Variants in RGS17 observed in about 807,000 individuals in gnomAD.
RGS17 encodes the protein regulator of G-protein signaling 17.
Under a neutral mutation model 25.5 loss-of-function variants are expected in RGS17, and 12 were observed. That is an observed-to-expected ratio of 0.47 (90% CI 0.30 to 0.76). The LOEUF is 0.76. Ranked by LOEUF, RGS17 falls within the 30% of genes least tolerant of loss-of-function variation. The pLI is 0.07. For missense variants in RGS17, 196 were observed against 242.2 expected (o/e 0.81, Z 1.27); for synonymous variants, 71 against 76.9 (o/e 0.92, Z 0.40).
chr6:153,098,730 T>C (rs1288558620), intron 1 of RGS17, among the ~76,000 whole-genome samples: 1 of 152,138 alleles, frequency 6.6e-6, no homozygotes, highest in African/African-American at 2.4e-5. Context: ...AAAGTCAAGT[T>C]AAAGTGTGGG....
chr6:153,020,123 T>A (rs1450662036), intron 4 of RGS17, among the ~76,000 whole-genome samples: 1 of 91,390 alleles, frequency 1.1e-5, no homozygotes, highest in African/African-American at 4.4e-5. Context: ...TATATATATA[T>A]ATATATATAT....
chr6:153,013,564 C>T lies in RGS17; in HGVS notation c.445-1802G>A, dbSNP rs1280178551. ...GTTAAACTTAATGAGGAAGGCATGTCGAAAGCTGAGACTGGTCAAAAGCTG... is the reference window on the plus strand; with the variant it reads ...GTTAAACTTAATGAGGAAGGCATGTTGAAAGCTGAGACTGGTCAAAAGCTG... On this transcript the variant is annotated intron_variant, in intron 4 of 4. Transcript: ENST00000206262. Among the ~76,000 whole-genome samples the T allele has an allele frequency of 4.6e-5, 7 of 152,280 alleles. 1 individual carries two copies. The highest frequency in any genetic ancestry group is 2.9e-5 in the Non-Finnish European group (2 of 68,018).
At position 153,009,225 on chromosome 6, in the gene RGS17, A is replaced by G. The variant is rs944727149; in HGVS notation, c.*2349T>C. 1 of 152,150 alleles carries G rather than the reference A, an allele frequency of 6.6e-6. No individual in the cohort carries two copies. The highest frequency in any genetic ancestry group is 1.5e-5 in the Non-Finnish European group (1 of 67,968). 9.4% of individuals were successfully genotyped at this position (152,150 alleles called of 1,614,324 possible). A position where few individuals can be genotyped will look rare whatever the true frequency, so the allele number is the denominator to read the frequency against. ...GATAACTTATGACTAGCAGGTCACC[A>G]TCATATATAGTAACAACGAGAATAT... On this transcript the variant is annotated 3_prime_UTR_variant, in exon 5 of 5. Transcript: ENST00000206262.
At chr6:153,127,645 C>A (rs952097361) in intron 1 of RGS17, among the ~76,000 whole-genome samples, 2 of 152,094 alleles carry the variant, frequency 1.3e-5, no homozygotes, top group South Asian at 4.1e-4. Context: ...AATTTTGTAT[C>A]GTAGGGGATC....
chr6:153,024,996 T>A (rs1212018837), intron 3 of RGS17, among the ~76,000 whole-genome samples: 1 of 152,134 alleles, frequency 6.6e-6, no homozygotes, highest in East Asian at 1.9e-4. Flanking sequence ...TGTGCACTTG[T>A]CACATATTTT....
intron 1 of RGS17, among the ~76,000 whole-genome samples, chr6:153,093,105 A>T (rs1584153543): frequency 6.6e-6 from 1 of 152,226 alleles, no homozygotes; most frequent in Non-Finnish European, 1.5e-5. Context: ...TACTTGAAAC[A>T]TTCTTTTATT....
intron 2 of RGS17, among the ~76,000 whole-genome samples, chr6:153,026,831 A>C (rs1779307966): frequency 1.3e-5 from 2 of 152,080 alleles, no homozygotes; most frequent in African/African-American, 4.8e-5. Flanking sequence ...TATTTCTGAG[A>C]TATATGATTA....
chr6:153,083,374 T>A (rs886933325), intron 1 of RGS17, among the ~76,000 whole-genome samples: 1 of 152,214 alleles, frequency 6.6e-6, no homozygotes, highest in African/African-American at 2.4e-5. Context: ...ATAGATTTTT[T>A]AAAATTCTCT....
chr6:153,126,279 T>C (rs1237943207), intron 1 of RGS17, among the ~76,000 whole-genome samples: 1 of 152,172 alleles, frequency 6.6e-6, no homozygotes, highest in Non-Finnish European at 1.5e-5. Flanking sequence ...AATCCACGAC[T>C]ATCTGGGAAC....
rs1366533374 is a variant in RGS17, at chr6:153,020,110, AAATAT to A, written c.444+4147_444+4151del. Reference sequence around the variant, plus strand: ...TAATTGCAAATATCTTAAAAAAAAAAAATATATATATATATATATATATATATATT... The same window carrying A: ...TAATTGCAAATATCTTAAAAAAAAAAATATATATATATATATATATATATT... On this transcript the variant is annotated intron_variant, in intron 4 of 4. Transcript: ENST00000206262. Among the ~76,000 whole-genome samples, 65 of 32,676 alleles carry A rather than the reference AAATAT, an allele frequency of 2.0e-3. 2 individuals carry two copies. The highest frequency in any genetic ancestry group is 7.2e-3 in the African/African-American group (61 of 8,452). The allele number at this position is 32,676 out of a possible 152,430, so 21.4% of individuals were successfully genotyped here.
Position 153,054,040 on chromosome 6 carries a change from TATGTATATATGTATATAATATATATAC to T in RGS17, c.-25-10024_-25-9998del, listed in dbSNP as rs1776511504. On this transcript the variant is annotated intron_variant, in intron 1 of 4. Coordinates refer to ENST00000206262, the MANE Select transcript of RGS17 (RefSeq NM_012419.5). ...TATGTATATAATATATATACATATATATGTATATATGTATATAATATATATACATATATATATACACACAATATTTTT... is the reference window on the plus strand; with the variant it reads ...TATGTATATAATATATATACATATATATATATATATACACACAATATTTTT... Among the ~76,000 whole-genome samples, 2 of 63,656 alleles carry T rather than the reference TATGTATATATGTATATAATATATATAC, an allele frequency of 3.1e-5. 1 individual carries two copies. Among genetic ancestry groups the T allele is most frequent in the Non-Finnish European group, 5.6e-5 (2 of 35,582 alleles). 41.8% of individuals were successfully genotyped at this position (63,656 alleles called of 152,430 possible). A position where few individuals can be genotyped will look rare whatever the true frequency, so the allele number is the denominator to read the frequency against.
At chr6:153,033,722 T>C (rs910791971) in intron 2 of RGS17, among the ~76,000 whole-genome samples, 20 of 151,512 alleles carry the variant, frequency 1.3e-4, no homozygotes, top group African/African-American at 4.6e-4. Flanking sequence ...CATCTCAAAA[T>C]AAATAAATAA....
chr6:153,122,729 A>C (rs1288805788), intron 1 of RGS17, among the ~76,000 whole-genome samples: 2 of 152,114 alleles, frequency 1.3e-5, no homozygotes, highest in African/African-American at 4.8e-5. Flanking sequence ...CTAAAATTAC[A>C]TAAAATATGA....
chr6:153,053,402 G>T (rs531771661), intron 1 of RGS17, among the ~76,000 whole-genome samples: 1 of 152,118 alleles, frequency 6.6e-6, no homozygotes, highest in Non-Finnish European at 1.5e-5. Flanking sequence ...CTGGGTGTTC[G>T]GGAAGATAAC....
In RGS17 at chr6:153,050,652, G is replaced by A. The variant is rs147045093; in HGVS notation, c.-25-6609C>T. Among the ~76,000 whole-genome samples, 326 of 152,240 alleles carry A rather than the reference G, an allele frequency of 2.1e-3. 1 individual carries two copies. Among genetic ancestry groups the A allele is most frequent in the Non-Finnish European group, 3.9e-3 (262 of 68,002 alleles). On this transcript the variant is annotated intron_variant, in intron 1 of 4. Coordinates refer to ENST00000206262, the MANE Select transcript of RGS17 (RefSeq NM_012419.5). ...ATATACATTGAGAAATCACTTTGAA[G>A]AACAATATTGACTACATGTAGTTCA...
At chr6:153,020,128 ATATATATATATTTTTT>A (rs1779229572) in intron 4 of RGS17, among the ~76,000 whole-genome samples, 1 of 93,128 alleles carries the variant, frequency 1.1e-5, no homozygotes, top group Non-Finnish European at 2.0e-5. Flanking sequence ...ATATATATAT[ATATATATATATTTTTT>A]TTTTTTTTTT....
chr6:153,012,244 A>G (rs552429296), intron 4 of RGS17, among the ~76,000 whole-genome samples: 1 of 152,300 alleles, frequency 6.6e-6, no homozygotes, highest in South Asian at 2.1e-4. Context: ...AACAAGTCCT[A>G]CTGTGTCAAA....
At chr6:153,119,023 T>C (rs79473080) in intron 1 of RGS17, among the ~76,000 whole-genome samples, 3,980 of 152,318 alleles carry the variant, frequency 0.026, 168 homozygotes, top group African/African-American at 0.089. Flanking sequence ...CATGTATGTA[T>C]GCATGTGTAT....
At chr6:153,055,969 T>C (rs143060423) in intron 1 of RGS17, among the ~76,000 whole-genome samples, 106 of 152,270 alleles carry the variant, frequency 7.0e-4, no homozygotes, top group African/African-American at 2.5e-3. Flanking sequence ...AATGTAAGGA[T>C]ATGAACTTGG....
Sources: allele counts gnomAD v4.1 joint callset (sites outside exome capture counted in the v4.1 genomes callset), GRCh38; gene constraint gnomAD v4.1.1; transcripts MANE v1.5; gene names NCBI Gene and HGNC (gene_info 2026-07-23, HGNC 2026-07-21).